Variants in PTPRD observed in about 807,000 individuals in gnomAD.
PTPRD encodes receptor-type tyrosine-protein phosphatase delta.
PTPRD carries 34 observed loss-of-function variants against 214.5 expected under a neutral mutation model. That is an observed-to-expected ratio of 0.16 (90% CI 0.12 to 0.21). The LOEUF (loss-of-function observed/expected upper bound fraction) is 0.21, where lower values mean the gene tolerates loss of function less well. Among genes scored for constraint, PTPRD ranks in the 10% least tolerant of loss-of-function variants. The pLI, the probability that PTPRD is intolerant of heterozygous loss-of-function variation, is 1.00. For missense variants in PTPRD, 2,545 were observed against 2,398.7 expected (o/e 1.06, Z -1.27); for synonymous variants, 1,128 against 845.7 (o/e 1.33, Z -5.79).
chr9:9,851,925 T>C (rs1414022524), intron 5 of PTPRD, among the ~76,000 whole-genome samples: 1 of 152,218 alleles, frequency 6.6e-6, no homozygotes, highest in Non-Finnish European at 1.5e-5. Flanking sequence ...ACAAAGTCTA[T>C]GAGCTATTTA....
chr9:8,827,867 G>T (rs2097207145), intron 11 of PTPRD, among the ~76,000 whole-genome samples: 2 of 152,002 alleles, frequency 1.3e-5, no homozygotes, highest in Admixed American at 6.6e-5. Flanking sequence ...AAAAGAACAG[G>T]CCTGAAATCA....
chr9:9,076,233 G>A (rs565500422), intron 10 of PTPRD, among the ~76,000 whole-genome samples: 1 of 151,806 alleles, frequency 6.6e-6, no homozygotes, highest in Non-Finnish European at 1.5e-5. Flanking sequence ...CTTTTTGATG[G>A]GGTTGTTTGA....
chr9:10,347,987 G>C (rs576692727), intron 2 of PTPRD, among the ~76,000 whole-genome samples: 2 of 152,054 alleles, frequency 1.3e-5, no homozygotes, highest in Non-Finnish European at 2.9e-5. Flanking sequence ...GAACCCAGGA[G>C]GTGGTGGCTG....
In PTPRD at chr9:9,898,144, T is replaced by G. The variant is rs181134816; in HGVS notation, c.-368+40363A>C. Reference sequence around the variant, plus strand: ...TTAATTTATTCATAATGTATGAAACTTCTACAGTTTTAAATATGTTTTAGG... The same window carrying G: ...TTAATTTATTCATAATGTATGAAACGTCTACAGTTTTAAATATGTTTTAGG... On this transcript the variant is annotated intron_variant, in intron 5 of 45. Transcript: ENST00000381196. Among the ~76,000 whole-genome samples, 513 of 152,246 alleles carry G rather than the reference T, an allele frequency of 3.4e-3. 10 individuals carry two copies. Among genetic ancestry groups the G allele is most frequent in the Admixed American group, 0.03 (465 of 15,270 alleles).
chr9:9,201,474 T>G (rs1159111907), intron 9 of PTPRD, among the ~76,000 whole-genome samples: 1 of 152,080 alleles, frequency 6.6e-6, no homozygotes, highest in Non-Finnish European at 1.5e-5. Context: ...ACAATGTAAA[T>G]GTTAACTAGT....
intron 11 of PTPRD, among the ~76,000 whole-genome samples, chr9:8,738,968 G>C (rs2091203576): frequency 6.6e-6 from 1 of 152,332 alleles, no homozygotes; most frequent in East Asian, 1.9e-4. Flanking sequence ...ATGGGAAGGA[G>C]TATGTCCCCA....
At chr9:8,557,453 T>C (rs530906715) in intron 14 of PTPRD, among the ~76,000 whole-genome samples, 1 of 134,058 alleles carries the variant, frequency 7.5e-6, no homozygotes, top group African/African-American at 3.8e-5. Flanking sequence ...TATATATATA[T>C]ATATTTGGGC....
rs1454101743 is a variant in PTPRD at position 8,969,729 on chromosome 9, A to AGGC, written c.-104+48967_-104+48968insGCC. On this transcript the variant is annotated intron_variant, in intron 11 of 45. Coordinates refer to ENST00000381196, the MANE Select transcript of PTPRD (RefSeq NM_002839.4). ...ATCGATGGGTAAATAAAACTGACCA[A>AGGC]TATTGATAGTGAGCCATCAGAATGA... Among the ~76,000 whole-genome samples, 3 of 151,996 alleles carry AGGC rather than the reference A, an allele frequency of 2.0e-5. No homozygotes were observed. The East Asian group carries it at 5.8e-4, about 29-fold the overall frequency.
At chr9:9,477,241 A>C (rs185319431) in intron 8 of PTPRD, among the ~76,000 whole-genome samples, 1 of 152,328 alleles carries the variant, frequency 6.6e-6, no homozygotes, top group Admixed American at 6.5e-5. Flanking sequence ...AACTGTAGTC[A>C]TCTCACTACC....
chr9:9,483,034 T>C (rs949681271), intron 8 of PTPRD, among the ~76,000 whole-genome samples: 2 of 152,162 alleles, frequency 1.3e-5, no homozygotes, highest in Non-Finnish European at 2.9e-5. Flanking sequence ...AATTCTGCAG[T>C]TCTGTGATAA....
At chr9:8,524,559 T>C (rs2097965554) in intron 18 of PTPRD, among the ~76,000 whole-genome samples, 1 of 151,988 alleles carries the variant, frequency 6.6e-6, no homozygotes, top group South Asian at 2.1e-4. Flanking sequence ...ACCAAGCAAT[T>C]ATTTCAGGGG....
intron 11 of PTPRD, among the ~76,000 whole-genome samples, chr9:8,883,829 C>T (rs73433175): frequency 9.9e-5 from 15 of 152,236 alleles, no homozygotes; most frequent in African/African-American, 2.9e-4. Context: ...CTTCTGGAGC[C>T]GGTCCAGTAA....
intron 4 of PTPRD, among the ~76,000 whole-genome samples, chr9:9,967,273 T>C (rs1473777556): frequency 1.3e-5 from 2 of 148,986 alleles, no homozygotes; most frequent in Admixed American, 6.7e-5. Flanking sequence ...CACTGAATGT[T>C]AGCAATTCTT....
At chr9:9,772,009 T>C (rs1008408227) in intron 5 of PTPRD, among the ~76,000 whole-genome samples, 15 of 152,328 alleles carry the variant, frequency 9.8e-5, no homozygotes, top group African/African-American at 3.6e-4. Flanking sequence ...TGTTATGCGC[T>C]GAATTGTGTC....
intron 14 of PTPRD, among the ~76,000 whole-genome samples, chr9:8,535,539 A>C: frequency 6.6e-6 from 1 of 151,952 alleles, no homozygotes; most frequent in Non-Finnish European, 1.5e-5. Flanking sequence ...GTTGTTGTGA[A>C]CAACTGAAAA....
intron 11 of PTPRD, among the ~76,000 whole-genome samples, chr9:8,764,034 A>G (rs186388859): frequency 7.4e-4 from 113 of 152,326 alleles, no homozygotes; most frequent in African/African-American, 2.6e-3. Flanking sequence ...TGAAATGCAA[A>G]TATTATAAGT....
intron 9 of PTPRD, among the ~76,000 whole-genome samples, chr9:9,295,721 T>C (rs1465005141): frequency 6.6e-6 from 1 of 151,828 alleles, no homozygotes; most frequent in Non-Finnish European, 1.5e-5. Context: ...CTAGGTTTAC[T>C]TCAAAGAGAA....
chr9:9,541,525 G>A (rs1156569834), intron 8 of PTPRD, among the ~76,000 whole-genome samples: 1 of 151,832 alleles, frequency 6.6e-6, no homozygotes, highest in Non-Finnish European at 1.5e-5. Flanking sequence ...GAATGCAAAT[G>A]TTTAAGCCAC....
At chr9:9,937,670 G>C (rs2090045028) in intron 5 of PTPRD, among the ~76,000 whole-genome samples, 1 of 152,020 alleles carries the variant, frequency 6.6e-6, no homozygotes, top group South Asian at 2.1e-4. Flanking sequence ...CTATTTTATA[G>C]CATTTGTCCT....
Sources: allele counts gnomAD v4.1 joint callset (sites outside exome capture counted in the v4.1 genomes callset), GRCh38; gene constraint gnomAD v4.1.1; transcripts MANE v1.5; gene names NCBI Gene and HGNC (gene_info 2026-07-23, HGNC 2026-07-21).